Variants in RAD51B observed in about 807,000 individuals in gnomAD.
RAD51B encodes the protein DNA repair protein RAD51 homolog 2.
A neutral mutation model predicts 42.2 loss-of-function variants in RAD51B; 38 were observed. The observed-to-expected ratio is 0.90, with a 90% CI of 0.70 to 1.18. The LOEUF (loss-of-function observed/expected upper bound fraction) is 1.18. Ranked by LOEUF, RAD51B falls within the 50% of genes most tolerant of loss-of-function variation. The probability of loss-of-function intolerance (pLI) is 0.00; values close to 1 mark genes in which losing one functional copy is unlikely to be tolerated. For missense variants in RAD51B, 373 were observed against 400.7 expected, an observed-to-expected ratio of 0.93 and a Z score of 0.59; for synonymous variants, 154 against 145.2, an observed-to-expected ratio of 1.06 and a Z score of -0.43.
intron 4 of RAD51B, among the ~76,000 whole-genome samples, chr14:67,836,630 A>AT (rs1326522798): frequency 6.6e-6 from 1 of 151,754 alleles, no homozygotes; most frequent in African/African-American, 2.4e-5. Context: ...TGCCTGGCTA[A>AT]TTTTTTGTAT....
At chr14:68,196,652 A>C (rs2079379599) in intron 7 of RAD51B, among the ~76,000 whole-genome samples, 1 of 152,020 alleles carries the variant, frequency 6.6e-6, no homozygotes, top group Non-Finnish European at 1.5e-5. Context: ...ATAATTGTAT[A>C]ATTATATATT....
At chr14:68,192,600 A>G (rs918659954) in intron 7 of RAD51B, among the ~76,000 whole-genome samples, 4 of 152,178 alleles carry the variant, frequency 2.6e-5, no homozygotes, top group African/African-American at 9.7e-5. Flanking sequence ...AGACTTTCCT[A>G]TCCAGAATTC....
intron 7 of RAD51B, among the ~76,000 whole-genome samples, chr14:67,927,861 G>C (rs2044582846): frequency 6.6e-6 from 1 of 150,576 alleles, no homozygotes; most frequent in African/African-American, 2.5e-5. Flanking sequence ...AATCCCACTT[G>C]ATCATGGTAT....
At chr14:67,887,263 A>G in intron 7 of RAD51B, 59 bp downstream of exon 7, 1 of 1,358,208 alleles carries the variant, frequency 7.4e-7, no homozygotes, top group Non-Finnish European at 1.0e-6. Context: ...TTTATATTAC[A>G]TTCACTGACT....
At chr14:68,172,910 A>C (rs1341694368) in intron 7 of RAD51B, among the ~76,000 whole-genome samples, 1 of 152,164 alleles carries the variant, frequency 6.6e-6, no homozygotes, top group Admixed American at 6.5e-5. Context: ...CCAAATCTCC[A>C]AGGTCTCTTA....
intron 10 of RAD51B, among the ~76,000 whole-genome samples, chr14:68,492,187 C>A (rs1884131628): frequency 6.6e-6 from 1 of 152,202 alleles, no homozygotes; most frequent in Non-Finnish European, 1.5e-5. Context: ...TAAAATATCA[C>A]CTTCTCTATG....
rs553492704 is a variant in RAD51B, at chr14:67,888,495, A to G, written c.756+1291A>G. 7.9e-4 allele frequency among the ~76,000 whole-genome samples: 121 copies of G among 152,222 alleles called. 1 individual carries two copies. The highest frequency in any genetic ancestry group is 2.9e-3 in the African/African-American group (120 of 41,550). Reference sequence around the variant, plus strand: ...GCAGTCTCAGCTACTCAAGAGGCTGAGGTGGGAGGATCACTTAGGCGCAGG... The same window carrying G: ...GCAGTCTCAGCTACTCAAGAGGCTGGGGTGGGAGGATCACTTAGGCGCAGG... On this transcript the variant is annotated intron_variant, in intron 7 of 10. Transcript: ENST00000471583.
rs1208775987 is a variant in RAD51B, at chr14:68,468,706, C to G, written c.1036+456C>G. ...GTCATGGCTCCATGAGCCCTACTTC[C>G]CTGACTCCTTCTGGTTATCTTGTTT... On this transcript the variant is annotated intron_variant, in intron 10 of 10. Coordinates refer to ENST00000471583, the MANE Select transcript of RAD51B (RefSeq NM_133510.4). 3.6e-5 allele frequency: 11 copies of G among 307,876 alleles called. No homozygotes were observed. In the Admixed American group the frequency reaches 4.7e-4, roughly 13 times the overall value. The allele number at this position is 307,876 out of a possible 1,614,324, so 19.1% of individuals were successfully genotyped here. A position where few individuals can be genotyped will look rare whatever the true frequency, so the allele number is the denominator to read the frequency against.
chr14:68,246,667 A>C (rs2080505943), intron 7 of RAD51B, among the ~76,000 whole-genome samples: 1 of 152,194 alleles, frequency 6.6e-6, no homozygotes, highest in African/African-American at 2.4e-5. Context: ...ACATCATGAA[A>C]ACTCCAGGCT....
intron 7 of RAD51B, among the ~76,000 whole-genome samples, chr14:68,168,861 G>T (rs565281821): frequency 8.4e-4 from 128 of 151,948 alleles, no homozygotes; most frequent in Non-Finnish European, 1.7e-3. Context: ...TGAACATGAT[G>T]TTCATGAAAT....
intron 11 of RAD51B, among the ~76,000 whole-genome samples, chr14:68,674,851 C>G (rs1221165203): frequency 1.4e-5 from 2 of 148,068 alleles, no homozygotes; most frequent in African/African-American, 2.4e-5. Flanking sequence ...GGTTTCCCAG[C>G]CACAGACCCA....
intron 7 of RAD51B, among the ~76,000 whole-genome samples, chr14:68,229,994 C>T (rs1407631690): frequency 6.6e-6 from 1 of 152,184 alleles, no homozygotes; most frequent in South Asian, 2.1e-4. Context: ...GTTGAAGCAA[C>T]TCATATCATT....
intron 7 of RAD51B, among the ~76,000 whole-genome samples, chr14:67,894,450 CA>C (rs774750967): frequency 5.3e-5 from 8 of 152,172 alleles, no homozygotes; most frequent in Non-Finnish European, 7.3e-5. Flanking sequence ...ATTCCACCTA[CA>C]GCACTTGTGT....
chr14:68,039,592 G>T (rs568017760), intron 7 of RAD51B, among the ~76,000 whole-genome samples: 40 of 152,228 alleles, frequency 2.6e-4, no homozygotes, highest in South Asian at 2.3e-3. Flanking sequence ...TGAAGTTTGG[G>T]CATATGCCTG....
At chr14:68,515,004 C>A (rs1359036836) in intron 10 of RAD51B, among the ~76,000 whole-genome samples, 1 of 152,248 alleles carries the variant, frequency 6.6e-6, no homozygotes, top group South Asian at 2.1e-4. Context: ...CCTGACCTAG[C>A]CCAGAAAACC....
At chr14:68,187,603 A>G (rs1368678364) in intron 7 of RAD51B, among the ~76,000 whole-genome samples, 1 of 152,180 alleles carries the variant, frequency 6.6e-6, no homozygotes, top group East Asian at 1.9e-4. Flanking sequence ...CAGACCTTTC[A>G]GAGATACACT....
At chr14:68,635,126 G>A (rs1414265028) in intron 10 of RAD51B, among the ~76,000 whole-genome samples, 1 of 152,136 alleles carries the variant, frequency 6.6e-6, no homozygotes, top group Non-Finnish European at 1.5e-5. Flanking sequence ...TCCACTTAGG[G>A]TGATTGAATG....
At chr14:68,429,505 G>A (rs2084944399) in intron 9 of RAD51B, among the ~76,000 whole-genome samples, 1 of 152,234 alleles carries the variant, frequency 6.6e-6, no homozygotes, top group African/African-American at 2.4e-5. Flanking sequence ...CTGATGGCCA[G>A]TGGTAATGAG....
chr14:68,165,396 A>G (rs543287177), intron 7 of RAD51B, among the ~76,000 whole-genome samples: 2 of 152,170 alleles, frequency 1.3e-5, no homozygotes, highest in East Asian at 1.9e-4. Context: ...CCAGACAGAG[A>G]TAATGGCCAT....
Sources: allele counts gnomAD v4.1 joint callset (sites outside exome capture counted in the v4.1 genomes callset), GRCh38; gene constraint gnomAD v4.1.1; transcripts MANE v1.5; gene names NCBI Gene and HGNC (gene_info 2026-07-23, HGNC 2026-07-21).